Variants in FOXP1 observed in about 807,000 individuals in gnomAD.
The protein encoded by FOXP1 is forkhead box protein P1.
Under a neutral mutation model 98.2 loss-of-function variants are expected in FOXP1, and 15 were observed. The ratio of observed to expected loss-of-function variants is 0.15; its 90% confidence interval spans 0.10 to 0.24. The LOEUF (loss-of-function observed/expected upper bound fraction) is 0.24, where lower values mean the gene tolerates loss of function less well. Among genes scored for constraint, FOXP1 ranks in the 10% least tolerant of loss-of-function variants. The pLI, the probability that FOXP1 is intolerant of heterozygous loss-of-function variation, is 1.00. For missense variants in FOXP1, 633 were observed against 848.5 expected, an observed-to-expected ratio of 0.75 and a Z score of 3.15; for synonymous variants, 371 against 314.5, an observed-to-expected ratio of 1.18 and a Z score of -1.90.
At chr3:71,010,341 T>C (rs1235847880) in intron 12 of FOXP1, among the ~76,000 whole-genome samples, 1 of 152,160 alleles carries the variant, frequency 6.6e-6, no homozygotes, top group Non-Finnish European at 1.5e-5. Context: ...CCACCTCTTA[T>C]TAGCTGTGTG....
At chr3:71,064,509 C>T (rs1396285590) in intron 7 of FOXP1, among the ~76,000 whole-genome samples, 1 of 151,978 alleles carries the variant, frequency 6.6e-6, no homozygotes, top group Non-Finnish European at 1.5e-5. Flanking sequence ...TCAACTACAC[C>T]CCACCCATGA....
At chr3:71,315,497 G>A (rs368322311) in intron 4 of FOXP1, among the ~76,000 whole-genome samples, 2 of 152,106 alleles carry the variant, frequency 1.3e-5, no homozygotes, top group East Asian at 1.9e-4. Context: ...CCTCAGTTGC[G>A]TGACCCAGAC....
In FOXP1 at chr3:70,966,006, T is replaced by G; in HGVS notation, c.1773A>C (p.Gly591=). The change falls in exon 20 of 21, where the codon GGA becomes GGC. Residue 591 remains glycine, a synonymous_variant. Coordinates refer to ENST00000649528, the MANE Select transcript of FOXP1 (RefSeq NM_001349338.3). ...SIPLYTTASM[G]NPTLGNLASA... Reference sequence around the variant, plus strand: ...TGGCTAAGTTGCCCAGAGTGGGATTTCCCATGGAAGCGGTAGTGTATAGAG... The same window carrying G: ...TGGCTAAGTTGCCCAGAGTGGGATTGCCCATGGAAGCGGTAGTGTATAGAG... 1 of 1,614,134 alleles carries G rather than the reference T, an allele frequency of 6.2e-7. No individual in the cohort carries two copies. Among genetic ancestry groups the G allele is most frequent in the Non-Finnish European group, 8.5e-7 (1 of 1,180,012 alleles).
chr3:71,403,577 G>A (rs562663982), intron 3 of FOXP1, among the ~76,000 whole-genome samples: 45 of 152,338 alleles, frequency 3.0e-4, no homozygotes, highest in African/African-American at 1.1e-3. Flanking sequence ...GCTTAGGCAC[G>A]GTGGCTCATG....
At chr3:71,004,630 TAAAA>T (rs1214977089) in intron 12 of FOXP1, among the ~76,000 whole-genome samples, 1 of 152,122 alleles carries the variant, frequency 6.6e-6, no homozygotes, top group Non-Finnish European at 1.5e-5. Flanking sequence ...TTTGACGACT[TAAAA>T]AAGAAAGACT....
intron 7 of FOXP1, among the ~76,000 whole-genome samples, chr3:71,068,640 T>C (rs1344776183): frequency 6.6e-6 from 1 of 152,236 alleles, no homozygotes; most frequent in Non-Finnish European, 1.5e-5. Context: ...ACAACACTTG[T>C]GTTAACACAA....
intron 18 of FOXP1, chr3:70,972,072 T>A (rs1413737518): frequency 2.6e-6 from 4 of 1,518,882 alleles, no homozygotes; most frequent in Non-Finnish European, 3.5e-6. Flanking sequence ...CCTCGTTGAA[T>A]ATGGCGGCCA....
intron 7 of FOXP1, among the ~76,000 whole-genome samples, chr3:71,110,188 C>T (rs2057798894): frequency 6.6e-6 from 1 of 152,078 alleles, no homozygotes. Context: ...AACTTTACTT[C>T]TTATATTTAG....
At chr3:71,165,817 T>C (rs768262719) in intron 6 of FOXP1, among the ~76,000 whole-genome samples, 16 of 151,708 alleles carry the variant, frequency 1.1e-4, no homozygotes, top group East Asian at 5.8e-4. Context: ...GCAAAATTCA[T>C]AGGTGAGGCA....
At chr3:71,550,358 T>C (rs1190095418) in intron 2 of FOXP1, among the ~76,000 whole-genome samples, 1 of 152,238 alleles carries the variant, frequency 6.6e-6, no homozygotes, top group African/African-American at 2.4e-5. Context: ...TAATATGTTA[T>C]ATAACCGCTC....
intron 5 of FOXP1, among the ~76,000 whole-genome samples, chr3:71,285,771 G>A (rs2072054831): frequency 6.6e-6 from 1 of 152,188 alleles, no homozygotes; most frequent in Non-Finnish European, 1.5e-5. Context: ...TGTAGTGGAA[G>A]AGGCTGGGAG....
At chr3:71,066,149 C>G (rs1456410679) in intron 7 of FOXP1, among the ~76,000 whole-genome samples, 1 of 145,468 alleles carries the variant, frequency 6.9e-6, no homozygotes. Context: ...AGGAATTTTA[C>G]TTGAAAGTAC....
At chr3:70,970,497 A>T in intron 19 of FOXP1, 1 of 522,616 alleles carries the variant, frequency 1.9e-6, no homozygotes. Context: ...TACTGCTGAT[A>T]AATATTAATA....
chr3:71,330,272 C>A (rs1239822623), intron 4 of FOXP1, among the ~76,000 whole-genome samples: 2 of 152,160 alleles, frequency 1.3e-5, no homozygotes, highest in Admixed American at 1.3e-4. Flanking sequence ...ACAATGATCC[C>A]ACATTTTTAA....
chr3:71,150,834 G>A (rs1340638263), intron 6 of FOXP1, among the ~76,000 whole-genome samples: 1 of 152,078 alleles, frequency 6.6e-6, no homozygotes, highest in African/African-American at 2.4e-5. Flanking sequence ...GCGGTGTTTT[G>A]TTGTCTACCC....
At chr3:71,348,180 C>A (rs1281748016) in intron 4 of FOXP1, among the ~76,000 whole-genome samples, 1 of 152,124 alleles carries the variant, frequency 6.6e-6, no homozygotes, top group African/African-American at 2.4e-5. Context: ...TCATTGACTG[C>A]TGGTAACTGA....
Position 71,406,403 on chromosome 3 carries a change from G to GTATATATATATA in FOXP1, c.-167-47160_-167-47159insTATATATATATA, listed in dbSNP as rs112681983. ...TTTAATTGACACATAATAACTGTAT[G>GTATATATATATA]TGTATATATATATATATATATGGTA... is the stretch of plus-strand genomic sequence containing the variant. On this transcript the variant is annotated intron_variant, in intron 3 of 20. Transcript: ENST00000649528. Among the ~76,000 whole-genome samples, 30 of 107,948 alleles carry GTATATATATATA rather than the reference G, an allele frequency of 2.8e-4. 2 individuals are homozygous for GTATATATATATA. The highest frequency in any genetic ancestry group is 3.2e-4 in the Non-Finnish European group (15 of 46,154). The allele number at this position is 107,948 out of a possible 152,430, so 70.8% of individuals were successfully genotyped here.
At chr3:71,438,907 G>T (rs1488279343) in intron 3 of FOXP1, among the ~76,000 whole-genome samples, 2 of 151,696 alleles carry the variant, frequency 1.3e-5, no homozygotes, top group African/African-American at 4.8e-5. Context: ...AACCCCACTG[G>T]TGGAGACCAC....
chr3:71,057,785 G>A (rs1458097722), intron 7 of FOXP1, among the ~76,000 whole-genome samples: 1 of 152,058 alleles, frequency 6.6e-6, no homozygotes, highest in African/African-American at 2.4e-5. Flanking sequence ...GGGTGTGGTC[G>A]ATCCCAGGTG....
Sources: gnomAD v4.1 joint callset for allele counts (sites outside exome capture counted in the v4.1 genomes callset) on GRCh38, gnomAD v4.1.1 for gene constraint, MANE v1.5 for transcripts, NCBI Gene and HGNC (gene_info 2026-07-23, HGNC 2026-07-21) for gene names.